PALLD: variants seen among roughly 807,000 people sequenced by gnomAD.
PALLD encodes the protein palladin.
Under a neutral mutation model 123.5 loss-of-function variants are expected in PALLD, and 61 were observed. The ratio of observed to expected loss-of-function variants is 0.49; its 90% CI spans 0.40 to 0.61. The LOEUF (loss-of-function observed/expected upper bound fraction) is 0.61, where lower values mean the gene tolerates loss of function less well. PALLD is among the 20% of genes least tolerant of loss of function. The pLI is 0.00. For synonymous variants in PALLD, 465 were observed against 496.4 expected, an observed-to-expected ratio of 0.94 and a Z score of 0.84; for missense variants, 1,273 against 1,377.0, an observed-to-expected ratio of 0.92 and a Z score of 1.20.
rs551514333 is a variant in PALLD at position 168,730,655 on chromosome 4, G to A, written c.1964+18732G>A. Among the ~76,000 whole-genome samples the A allele has an allele frequency of 3.3e-5, 5 of 152,194 alleles. No homozygotes were observed. In the South Asian group the frequency reaches 1.0e-3, roughly 32 times the overall value. ...CTAGGATTGGGCAAGACCCCCAAGT[G>A]CCAATATCTTCAGGTCTTGGGTTAA... On this transcript the variant is annotated intron_variant, in intron 10 of 21. Transcript: ENST00000505667.
intron 17 of PALLD, 81 bp downstream of exon 17, chr4:168,916,108 A>G: frequency 7.4e-7 from 1 of 1,347,010 alleles, no homozygotes; most frequent in East Asian, 2.3e-5. Flanking sequence ...CTTTTGGGGA[A>G]ATTACATAAA....
chr4:168,892,936 C>G (rs889845122), intron 11 of PALLD, among the ~76,000 whole-genome samples: 1 of 152,108 alleles, frequency 6.6e-6, no homozygotes, highest in African/African-American at 2.4e-5. Context: ...TAAGGTTTCC[C>G]TTTTTAGAAA....
intron 10 of PALLD, among the ~76,000 whole-genome samples, chr4:168,834,565 G>T (rs6855915): frequency 1.3e-5 from 2 of 151,796 alleles, no homozygotes; most frequent in African/African-American, 4.8e-5. Flanking sequence ...GGTGAAACCC[G>T]GTCTCTACTA....
At chr4:168,822,821 T>C (rs753664470) in intron 10 of PALLD, among the ~76,000 whole-genome samples, 3 of 152,266 alleles carry the variant, frequency 2.0e-5, no homozygotes, top group Non-Finnish European at 4.4e-5. Context: ...TTGAGAATAC[T>C]GGAGGTTGTT....
intron 3 of PALLD, among the ~76,000 whole-genome samples, chr4:168,672,481 C>T (rs555896552): frequency 2.0e-4 from 30 of 150,094 alleles, no homozygotes; most frequent in South Asian, 2.1e-4. Flanking sequence ...TTTTTTGAGA[C>T]GGAGTCTCGC....
In PALLD at chr4:168,831,975, C is replaced by G. The variant is rs886141493; in HGVS notation, c.1965-58947C>G. On this transcript the variant is annotated intron_variant, in intron 10 of 21. Coordinates refer to ENST00000505667, the MANE Select transcript of PALLD (RefSeq NM_001166108.2). ...GTCCCAGAGCTGCGAGCCACGCCTC[C>G]TCTCTCCCGCCCGCCGCGCCGCCGG... 2.6e-4 allele frequency: 255 copies of G among 984,836 alleles called. 2 individuals carry two copies. The South Asian group carries it at 2.9e-3, about 11-fold the overall frequency. The allele number at this position is 984,836 out of a possible 1,614,324, so 61.0% of individuals were successfully genotyped here. A position where few individuals can be genotyped will look rare whatever the true frequency, so the allele number is the denominator to read the frequency against.
At chr4:168,608,030 C>T (rs534555835) in intron 2 of PALLD, among the ~76,000 whole-genome samples, 2 of 152,306 alleles carry the variant, frequency 1.3e-5, no homozygotes, top group Admixed American at 6.5e-5. Flanking sequence ...ATAGGTCCCA[C>T]CACTTAAAGA....
At chr4:168,684,749 A>G (rs1781867658) in intron 5 of PALLD, among the ~76,000 whole-genome samples, 1 of 152,242 alleles carries the variant, frequency 6.6e-6, no homozygotes, top group Non-Finnish European at 1.5e-5. Context: ...GCATCCTAGC[A>G]TCTCTACCGC....
intron 10 of PALLD, among the ~76,000 whole-genome samples, chr4:168,816,389 G>A (rs989913360): frequency 7.2e-6 from 1 of 139,022 alleles, no homozygotes; most frequent in Non-Finnish European, 1.6e-5. Context: ...GTGTATGTGT[G>A]TATATATATA....
At position 168,511,988 on chromosome 4, in the gene PALLD, G is replaced by C; in HGVS notation, c.484G>C (p.Gly162Arg). 6.2e-7 allele frequency: 1 copy of C among 1,614,162 alleles called. No individual in the cohort carries two copies. The highest frequency in any genetic ancestry group is 1.1e-5 in the South Asian group (1 of 91,078). Reference sequence around the variant, plus strand: ...GCCCAAAACGCCACATCAAAGAAAGGGTGGCCCCCAGAGCCAGCTGTGTGA... The same window carrying C: ...GCCCAAAACGCCACATCAAAGAAAGCGTGGCCCCCAGAGCCAGCTGTGTGA... ...VKPKTPHQRK[G>R]GPQSQLCDKA... Residue 162 changes from glycine to arginine, a missense_variant, in exon 2 of 22, where the codon GGT becomes CGT. Gly to Arg is a moderately radical substitution (Grantham distance 125). Transcript: ENST00000505667.
chr4:168,704,144 A>G (rs1418191416), intron 8 of PALLD, among the ~76,000 whole-genome samples: 3 of 151,800 alleles, frequency 2.0e-5, no homozygotes, highest in African/African-American at 2.4e-5. Context: ...AGGATTCCCT[A>G]TTTAATAAAT....
At chr4:168,837,697 GGTAA>G (rs1311383248) in intron 10 of PALLD, among the ~76,000 whole-genome samples, 3 of 152,138 alleles carry the variant, frequency 2.0e-5, no homozygotes, top group African/African-American at 7.2e-5. Flanking sequence ...ATTTTAAGAG[GGTAA>G]GTAATTTGTC....
intron 8 of PALLD, among the ~76,000 whole-genome samples, chr4:168,695,943 A>G (rs1783088402): frequency 6.6e-6 from 1 of 152,174 alleles, no homozygotes; most frequent in African/African-American, 2.4e-5. Context: ...CTAGAGGAGG[A>G]GTGTCCAATC....
At chr4:168,853,860 G>A (rs1341988306) in intron 10 of PALLD, among the ~76,000 whole-genome samples, 1 of 152,134 alleles carries the variant, frequency 6.6e-6, no homozygotes, top group Non-Finnish European at 1.5e-5. Flanking sequence ...TGTAGGAGAG[G>A]GAAAGGCAGG....
At chr4:168,670,515 T>C (rs1344643599) in intron 3 of PALLD, among the ~76,000 whole-genome samples, 3 of 142,830 alleles carry the variant, frequency 2.1e-5, no homozygotes, top group African/African-American at 5.3e-5. Flanking sequence ...GGGTGGATCA[T>C]GAGGTCAGGA....
intron 1 of PALLD, among the ~76,000 whole-genome samples, chr4:168,500,282 A>G (rs911345528): frequency 6.6e-6 from 1 of 152,116 alleles, no homozygotes; most frequent in African/African-American, 2.4e-5. Flanking sequence ...AAGTTCCTCC[A>G]CGTCAAAGAA....
chr4:168,821,160 A>G (rs888664087), intron 10 of PALLD, among the ~76,000 whole-genome samples: 22 of 152,176 alleles, frequency 1.4e-4, no homozygotes, highest in Middle Eastern at 3.2e-3. Context: ...CATATAAAGG[A>G]ATGATTTGAA....
chr4:168,539,306 C>T (rs62335460), intron 2 of PALLD, among the ~76,000 whole-genome samples: 16,619 of 152,082 alleles, frequency 0.11, 1,136 homozygotes, highest in Non-Finnish European at 0.16. Flanking sequence ...ATTACGAGTC[C>T]TGCCCGGGCG....
intron 1 of PALLD, among the ~76,000 whole-genome samples, chr4:168,498,219 C>G (rs191837533): frequency 3.2e-4 from 49 of 152,168 alleles, no homozygotes; most frequent in Admixed American, 3.2e-3. Context: ...CACTAACTGC[C>G]CTGTAAATAC....
Sources: allele counts gnomAD v4.1 joint callset (sites outside exome capture counted in the v4.1 genomes callset), GRCh38; gene constraint gnomAD v4.1.1; transcripts MANE v1.5; gene names NCBI Gene and HGNC (gene_info 2026-07-23, HGNC 2026-07-21).